WWOX: variants seen among roughly 807,000 people sequenced by gnomAD.
WWOX encodes the protein WW domain containing oxidoreductase, also known as WW domain-containing oxidoreductase.
WWOX carries 69 observed loss-of-function variants against 46.2 expected under a neutral mutation model. That is an observed-to-expected ratio of 1.49 (90% CI 1.23 to 1.82). WWOX has a LOEUF of 1.82. Ranked by LOEUF, WWOX falls within the 40% of genes most tolerant of loss-of-function variation. WWOX has a pLI of 0.00. For synonymous variants in WWOX, 359 were observed against 202.6 expected (o/e 1.77, Z -6.56); for missense variants, 919 against 542.6 (o/e 1.69, Z -6.89).
chr16:79,199,477 C>T (rs550262891), intron 8 of WWOX, among the ~76,000 whole-genome samples: 2 of 152,172 alleles, frequency 1.3e-5, no homozygotes, highest in Non-Finnish European at 2.9e-5. Flanking sequence ...TAGCAGGAGG[C>T]CGCCAGGTGG....
At chr16:78,176,588 G>A (rs1005262899) in intron 5 of WWOX, among the ~76,000 whole-genome samples, 9 of 152,174 alleles carry the variant, frequency 5.9e-5, no homozygotes, top group African/African-American at 2.2e-4. Flanking sequence ...TTTATTGAGA[G>A]GGACTAATTA....
chr16:78,606,422 C>G (rs1449401189), intron 8 of WWOX, among the ~76,000 whole-genome samples: 1 of 151,764 alleles, frequency 6.6e-6, no homozygotes, highest in African/African-American at 2.4e-5. Flanking sequence ...GGGCTACATG[C>G]TTTTCAGAAG....
intron 8 of WWOX, chr16:78,780,518 A>C (rs1178242529): frequency 6.6e-6 from 1 of 152,236 alleles, no homozygotes; most frequent in Non-Finnish European, 1.5e-5. Flanking sequence ...GCAAGTAAGC[A>C]AGTAAATATA....
In WWOX at chr16:78,758,220, A is replaced by G. The variant is rs545428878; in HGVS notation, c.1056+325468A>G. ...TATAGATGAAGATAAACCTATATAC[A>G]AAGAAAATAGAACTATAGTAATTCC... On this transcript the variant is annotated intron_variant, in intron 8 of 8. Transcript: ENST00000566780. Among the ~76,000 whole-genome samples the G allele has an allele frequency of 9.5e-4, 144 of 152,322 alleles. 1 individual carries two copies. The highest frequency in any genetic ancestry group is 4.8e-3 in the South Asian group (23 of 4,822).
chr16:79,209,662 C>T (rs540814035), intron 8 of WWOX, among the ~76,000 whole-genome samples: 10 of 152,124 alleles, frequency 6.6e-5, no homozygotes, highest in Non-Finnish European at 1.0e-4. Context: ...TACAAAACAC[C>T]ATCTCCACCA....
intron 5 of WWOX, among the ~76,000 whole-genome samples, chr16:78,198,340 C>T (rs780819918): frequency 1.4e-4 from 21 of 152,246 alleles, no homozygotes; most frequent in South Asian, 2.1e-4. Flanking sequence ...CCCCATCCCC[C>T]GCATCCGATA....
chr16:78,215,427 A>G (rs1044230240), intron 5 of WWOX, among the ~76,000 whole-genome samples: 2 of 152,056 alleles, frequency 1.3e-5, no homozygotes, highest in East Asian at 3.9e-4. Context: ...TTCTCGTGAG[A>G]TCTGATAGTT....
rs185103800 is a variant in WWOX at position 78,308,581 on chromosome 16, C to A, written c.517-78279C>A. Reference sequence around the variant, plus strand: ...CAAAATATATTTCTCTGGTATATTTCGAAATGGCCCTGCAAAGCTGTTTCT... The same window carrying A: ...CAAAATATATTTCTCTGGTATATTTAGAAATGGCCCTGCAAAGCTGTTTCT... On this transcript the variant is annotated intron_variant, in intron 5 of 8. Transcript: ENST00000566780. 2.6e-5 allele frequency among the ~76,000 whole-genome samples: 4 copies of A among 152,142 alleles called. No homozygotes were observed. The South Asian group carries it at 6.2e-4, about 24-fold the overall frequency.
intron 8 of WWOX, among the ~76,000 whole-genome samples, chr16:78,785,975 C>G (rs1344951058): frequency 6.6e-6 from 1 of 152,180 alleles, no homozygotes; most frequent in Non-Finnish European, 1.5e-5. Flanking sequence ...GGCGCGATCT[C>G]TGCTCACCGC....
At chr16:78,241,798 C>T (rs2037659592) in intron 5 of WWOX, among the ~76,000 whole-genome samples, 1 of 152,182 alleles carries the variant, frequency 6.6e-6, no homozygotes, top group African/African-American at 2.4e-5. Flanking sequence ...ATTCACTTGG[C>T]TCAGAGAGGG....
At chr16:78,991,998 A>G (rs543642196) in intron 8 of WWOX, among the ~76,000 whole-genome samples, 2 of 152,094 alleles carry the variant, frequency 1.3e-5, no homozygotes, top group Non-Finnish European at 2.9e-5. Flanking sequence ...GGGTTGGGAA[A>G]CTCACCTGAA....
At chr16:78,944,297 A>G (rs1396542087) in intron 8 of WWOX, among the ~76,000 whole-genome samples, 1 of 152,086 alleles carries the variant, frequency 6.6e-6, no homozygotes, top group East Asian at 1.9e-4. Flanking sequence ...TTCAGCCTCT[A>G]CCACATTGAA....
At chr16:78,403,535 G>C (rs1410245199) in intron 6 of WWOX, among the ~76,000 whole-genome samples, 2 of 152,106 alleles carry the variant, frequency 1.3e-5, no homozygotes, top group Non-Finnish European at 2.9e-5. Flanking sequence ...AAGGCTCTTT[G>C]TTTATTGCCT....
intron 6 of WWOX, among the ~76,000 whole-genome samples, chr16:78,388,488 A>T (rs1199601172): frequency 6.6e-6 from 1 of 151,908 alleles, no homozygotes; most frequent in Non-Finnish European, 1.5e-5. Context: ...TCTACTAAAG[A>T]TACAAAAAAT....
chr16:78,904,843 G>C (rs1207196791), intron 8 of WWOX, among the ~76,000 whole-genome samples: 1 of 152,080 alleles, frequency 6.6e-6, no homozygotes, highest in Admixed American at 6.5e-5. Flanking sequence ...ATTAAGTGCA[G>C]GAAAGAAAAT....
intron 3 of WWOX, among the ~76,000 whole-genome samples, chr16:78,113,246 G>A (rs915853364): frequency 6.6e-6 from 1 of 152,140 alleles, no homozygotes. Flanking sequence ...TGCAATCTGC[G>A]CTCTAATAGT....
At chr16:79,062,887 C>G (rs548623321) in intron 8 of WWOX, among the ~76,000 whole-genome samples, 1 of 152,120 alleles carries the variant, frequency 6.6e-6, no homozygotes, top group Non-Finnish European at 1.5e-5. Context: ...AACTTAGACT[C>G]AATCCAGGAA....
chr16:78,564,605 A>G (rs1022187583), intron 8 of WWOX, among the ~76,000 whole-genome samples: 1 of 152,068 alleles, frequency 6.6e-6, no homozygotes, highest in Non-Finnish European at 1.5e-5. Context: ...CTCCTAAGCA[A>G]TCAATTTCTT....
chr16:78,603,481 G>C (rs1005547679), intron 8 of WWOX, among the ~76,000 whole-genome samples: 1 of 152,170 alleles, frequency 6.6e-6, no homozygotes, highest in African/African-American at 2.4e-5. Context: ...GATTACTTGA[G>C]GCCAGGAGTT....
Sources: gnomAD v4.1 joint callset for allele counts (sites outside exome capture counted in the v4.1 genomes callset) on GRCh38, gnomAD v4.1.1 for gene constraint, MANE v1.5 for transcripts, NCBI Gene and HGNC (gene_info 2026-07-23, HGNC 2026-07-21) for gene names.